PPM1L: variants seen among roughly 807,000 people sequenced by gnomAD.
PPM1L encodes protein phosphatase 1L.
Under a neutral mutation model 31.4 loss-of-function variants are expected in PPM1L, and 13 were observed. That is an observed-to-expected ratio of 0.41 (90% CI 0.27 to 0.66). The LOEUF is 0.66. Among genes scored for constraint, PPM1L ranks in the 30% least tolerant of loss-of-function variants. The pLI is 0.29. For missense variants in PPM1L, 326 were observed against 453.7 expected, an observed-to-expected ratio of 0.72 and a Z score of 2.56; for synonymous variants, 184 against 175.4, an observed-to-expected ratio of 1.05 and a Z score of -0.39.
At chr3:160,910,259 T>TTCCCCTTTCCCCTTCCCCTTTCCCC (rs71147392) in intron 1 of PPM1L, among the ~76,000 whole-genome samples, 2 of 50,050 alleles carry the variant, frequency 4.0e-5, no homozygotes, top group Non-Finnish European at 6.8e-5. Flanking sequence ...CCCCTTCCCC[T>TTCCCCTTTCCCCTTCCCCTTTCCCC]TTCCCCTTCC....
intron 1 of PPM1L, among the ~76,000 whole-genome samples, chr3:160,893,359 A>C (rs1441271795): frequency 6.6e-6 from 1 of 152,204 alleles, no homozygotes; most frequent in South Asian, 2.1e-4. Flanking sequence ...TGAATAGTAT[A>C]TAGTGAACAT....
intron 2 of PPM1L, among the ~76,000 whole-genome samples, chr3:161,018,036 A>G (rs920954443): frequency 3.9e-5 from 6 of 152,142 alleles, no homozygotes; most frequent in African/African-American, 1.4e-4. Context: ...CAGCAAGCCA[A>G]TGACTCCTTA....
intron 1 of PPM1L, among the ~76,000 whole-genome samples, chr3:160,867,327 C>CTT (rs529507709): frequency 0.022 from 2,749 of 123,874 alleles, 48 homozygotes; most frequent in African/African-American, 0.027. Flanking sequence ...GTTCCATGTT[C>CTT]TTTTTTTTTT....
intron 1 of PPM1L, among the ~76,000 whole-genome samples, chr3:160,914,887 C>A (rs1240777439): frequency 6.6e-6 from 1 of 152,102 alleles, no homozygotes; most frequent in Non-Finnish European, 1.5e-5. Context: ...AATGGTTGAA[C>A]TAGTTTACAG....
At position 160,980,408 on chromosome 3, in the gene PPM1L, G is replaced by C. The variant is rs115691112; in HGVS notation, c.574+18498G>C. On this transcript the variant is annotated intron_variant, in intron 2 of 3. Coordinates refer to ENST00000498165, the MANE Select transcript of PPM1L (RefSeq NM_139245.4). The stretch of plus-strand genomic sequence containing the variant: ...TTAAAGATAATGGGCCAGGCACAGT[G>C]TCTCACGCCTGTAATCCCAGCACTT... Among the ~76,000 whole-genome samples, 221 of 152,146 alleles carry C rather than the reference G, an allele frequency of 1.5e-3. 4 individuals are homozygous for C. The highest frequency in any genetic ancestry group is 2.6e-3 in the Non-Finnish European group (180 of 67,986).
In PPM1L at chr3:161,072,082, G is replaced by C. The variant is rs1166708725; in HGVS notation, c.*2925G>C. 5 of 152,234 alleles carry C rather than the reference G, an allele frequency of 3.3e-5. No individual in the cohort carries two copies. Among genetic ancestry groups the C allele is most frequent in the Non-Finnish European group, 4.4e-5 (3 of 68,050 alleles). The allele number at this position is 152,234 out of a possible 1,614,324, so 9.4% of individuals were successfully genotyped here. On this transcript the variant is annotated 3_prime_UTR_variant, in exon 4 of 4. Coordinates refer to ENST00000498165, the MANE Select transcript of PPM1L (RefSeq NM_139245.4). ...GTCTCCATTAATGCAGTGCTCTGCT[G>C]CTGCTCCACTGGCAATTTGTACTCT... is the stretch of plus-strand genomic sequence containing the variant.
rs1559897814 is a variant in PPM1L, at chr3:160,945,121, CT to C, written c.400-16614del. 2.5e-3 allele frequency among the ~76,000 whole-genome samples: 40 copies of C among 15,860 alleles called. 1 individual carries two copies. The highest frequency in any genetic ancestry group is 8.5e-3 in the East Asian group (12 of 1,416). The allele number at this position is 15,860 out of a possible 152,430, so 10.4% of individuals were successfully genotyped here. A position where few individuals can be genotyped will look rare whatever the true frequency, so the allele number is the denominator to read the frequency against. On this transcript the variant is annotated intron_variant, in intron 1 of 3. Transcript: ENST00000498165. ...TATATATAACATATATGTTATCTAT[CT>C]ATCTATCTATCTATCTATCTATCTA... is the stretch of plus-strand genomic sequence containing the variant.
rs537416854 is a variant in PPM1L at position 160,995,631 on chromosome 3, CT to C, written c.574+33728del. On this transcript the variant is annotated intron_variant, in intron 2 of 3. Transcript: ENST00000498165. ...CCACCATGCCTGGTCCAGGTAGAGACTTTTTTTAAGATGGAAGAGATGATGG... is the reference window on the plus strand; with the variant it reads ...CCACCATGCCTGGTCCAGGTAGAGACTTTTTTAAGATGGAAGAGATGATGG... Among the ~76,000 whole-genome samples, 636 of 152,084 alleles carry C rather than the reference CT, an allele frequency of 4.2e-3. 6 individuals are homozygous for C. The highest frequency in any genetic ancestry group is 0.015 in the African/African-American group (605 of 41,482).
chr3:161,067,682 G>A (rs1387598205), intron 3 of PPM1L, among the ~76,000 whole-genome samples: 1 of 152,206 alleles, frequency 6.6e-6, no homozygotes. Context: ...ATGTGCCCAA[G>A]CACACACAGC....
chr3:160,795,540 G>C (rs537586606), intron 1 of PPM1L, among the ~76,000 whole-genome samples: 1 of 152,124 alleles, frequency 6.6e-6, no homozygotes, highest in South Asian at 2.1e-4. Flanking sequence ...ACTGTGATCC[G>C]TAAGTTGGGT....
At chr3:160,836,690 C>A (rs1206056876) in intron 1 of PPM1L, among the ~76,000 whole-genome samples, 1 of 152,166 alleles carries the variant, frequency 6.6e-6, no homozygotes, top group East Asian at 1.9e-4. Flanking sequence ...GTAGTTTGGA[C>A]ACTTTCTGTG....
chr3:160,973,764 G>GTTTTTTTTTTTTTTTTTTTTTTTTTT (rs75599237), intron 2 of PPM1L, among the ~76,000 whole-genome samples: 3 of 88,478 alleles, frequency 3.4e-5, no homozygotes, highest in Non-Finnish European at 5.1e-5. Context: ...GAAAGGCCCT[G>GTTTTTTTTTTTTTTTTTTTTTTTTTT]TTTTTTTTTT....
At chr3:160,923,451 A>C (rs1210834744) in intron 1 of PPM1L, among the ~76,000 whole-genome samples, 3 of 152,204 alleles carry the variant, frequency 2.0e-5, no homozygotes, top group Non-Finnish European at 2.9e-5. Context: ...TAGTCCCTCA[A>C]GATAACTTAG....
At chr3:160,983,023 G>A (rs1716852862) in intron 2 of PPM1L, among the ~76,000 whole-genome samples, 1 of 152,174 alleles carries the variant, frequency 6.6e-6, no homozygotes. Context: ...TTCAATCTGA[G>A]ATTAAGCATT....
chr3:160,899,168 A>G (rs1198974378), intron 1 of PPM1L, among the ~76,000 whole-genome samples: 2 of 152,190 alleles, frequency 1.3e-5, no homozygotes, highest in African/African-American at 4.8e-5. Context: ...CAGATCACAC[A>G]GGTAGAAAAT....
chr3:160,828,234 A>G (rs796390619), intron 1 of PPM1L, among the ~76,000 whole-genome samples: 1 of 152,146 alleles, frequency 6.6e-6, no homozygotes, highest in African/African-American at 2.4e-5. Flanking sequence ...AATAGCAGGT[A>G]TTAAGCTACT....
chr3:160,824,491 T>G lies in PPM1L; in HGVS notation c.399+67784T>G, dbSNP rs541996293. ...ATGATTAGGGCAGGGAATTCCCTAA[T>G]GAGGGAAAGGTCATAGGCTGGAATC... On this transcript the variant is annotated intron_variant, in intron 1 of 3. Coordinates refer to ENST00000498165, the MANE Select transcript of PPM1L (RefSeq NM_139245.4). 8.6e-3 allele frequency among the ~76,000 whole-genome samples: 1,315 copies of G among 152,268 alleles called. 26 individuals are homozygous for G. Among genetic ancestry groups the G allele is most frequent in the African/African-American group, 0.03 (1,258 of 41,570 alleles).
At chr3:160,960,797 A>T (rs1215041282) in intron 1 of PPM1L, among the ~76,000 whole-genome samples, 1 of 152,154 alleles carries the variant, frequency 6.6e-6, no homozygotes, top group Non-Finnish European at 1.5e-5. Flanking sequence ...CTGTCACTTA[A>T]TTATGCTCAT....
At chr3:161,056,704 C>T (rs1719422349) in intron 2 of PPM1L, among the ~76,000 whole-genome samples, 1 of 152,132 alleles carries the variant, frequency 6.6e-6, no homozygotes, top group African/African-American at 2.4e-5. Context: ...TCTTTCGCTC[C>T]TACCCCAATC....
Sources: gnomAD v4.1 joint callset for allele counts (sites outside exome capture counted in the v4.1 genomes callset) on GRCh38, gnomAD v4.1.1 for gene constraint, MANE v1.5 for transcripts, NCBI Gene and HGNC (gene_info 2026-07-23, HGNC 2026-07-21) for gene names.